ANKS1A: variants seen among roughly 807,000 people sequenced by gnomAD.
The protein encoded by ANKS1A is ankyrin repeat and sterile alpha motif domain containing 1A.
Under a neutral mutation model 120.3 loss-of-function variants are expected in ANKS1A, and 55 were observed. The observed-to-expected ratio is 0.46, with a 90% CI of 0.37 to 0.57. The LOEUF (loss-of-function observed/expected upper bound fraction) is 0.57, where lower values mean the gene tolerates loss of function less well. Ranked by LOEUF, ANKS1A falls within the 20% of genes least tolerant of loss-of-function variation. ANKS1A has a pLI of 0.00. For missense variants in ANKS1A, 1,123 were observed against 1,480.3 expected, an observed-to-expected ratio of 0.76 and a Z score of 3.96; for synonymous variants, 590 against 604.7, an observed-to-expected ratio of 0.98 and a Z score of 0.36.
At chr6:35,030,134 T>C (rs1774832265) in intron 11 of ANKS1A, among the ~76,000 whole-genome samples, 1 of 152,204 alleles carries the variant, frequency 6.6e-6, no homozygotes, top group Admixed American at 6.5e-5. Flanking sequence ...ATTTAGAATA[T>C]AGGTGAGCTA....
At chr6:34,974,615 T>C (rs1326761936) in intron 3 of ANKS1A, among the ~76,000 whole-genome samples, 1 of 152,138 alleles carries the variant, frequency 6.6e-6, no homozygotes, top group Non-Finnish European at 1.5e-5. Flanking sequence ...TAGGCTTTCA[T>C]GTCAGACCAG....
chr6:34,892,796 A>C (rs1766886629), intron 1 of ANKS1A, among the ~76,000 whole-genome samples: 1 of 152,168 alleles, frequency 6.6e-6, no homozygotes, highest in Admixed American at 6.5e-5. Flanking sequence ...TTCACAGTTG[A>C]TCGCTTTGGC....
At chr6:35,013,457 G>T (rs1162954862) in intron 10 of ANKS1A, among the ~76,000 whole-genome samples, 1 of 151,980 alleles carries the variant, frequency 6.6e-6, no homozygotes, top group African/African-American at 2.4e-5. Context: ...ACCACACCCA[G>T]CTAATTTTTA....
At chr6:34,901,216 CTGTT>C (rs1767335534) in intron 1 of ANKS1A, among the ~76,000 whole-genome samples, 2 of 151,360 alleles carry the variant, frequency 1.3e-5, no homozygotes, top group Non-Finnish European at 2.9e-5. Context: ...ATTTCCAACT[CTGTT>C]TTTTTTTTTT....
intron 1 of ANKS1A, among the ~76,000 whole-genome samples, chr6:34,937,809 T>C (rs1769334352): frequency 6.6e-6 from 1 of 152,214 alleles, no homozygotes; most frequent in African/African-American, 2.4e-5. Context: ...AATCAGACTC[T>C]GGCATTAGGA....
chr6:34,984,019 C>G (rs186812218), intron 7 of ANKS1A, among the ~76,000 whole-genome samples: 279 of 152,276 alleles, frequency 1.8e-3, no homozygotes, highest in African/African-American at 6.3e-3. Flanking sequence ...TGGCCTCGAA[C>G]TCCTGACCTT....
chr6:35,003,265 G>A (rs529011253), intron 10 of ANKS1A, among the ~76,000 whole-genome samples: 199 of 152,176 alleles, frequency 1.3e-3, no homozygotes, highest in Non-Finnish European at 2.0e-3. Context: ...ATGCTCAACC[G>A]AATCATACGG....
At chr6:35,001,473 G>A (rs1312961003) in intron 10 of ANKS1A, among the ~76,000 whole-genome samples, 3 of 152,204 alleles carry the variant, frequency 2.0e-5, no homozygotes, top group African/African-American at 7.2e-5. Context: ...GCTCTTTTCC[G>A]GGATTCTACA....
intron 1 of ANKS1A, among the ~76,000 whole-genome samples, chr6:34,936,061 CAAAAAAAAAAAA>C (rs34851777): frequency 5.5e-5 from 2 of 36,316 alleles, no homozygotes; most frequent in Non-Finnish European, 1.2e-4. Context: ...GACTCCGTCT[CAAAAAAAAAAAA>C]AAAAAAAAAA....
chr6:34,897,175 T>C (rs1363558148), intron 1 of ANKS1A, among the ~76,000 whole-genome samples: 3 of 152,114 alleles, frequency 2.0e-5, no homozygotes, highest in Non-Finnish European at 4.4e-5. Flanking sequence ...GAAGTTCAGT[T>C]TTTACTTTCT....
chr6:35,081,252 G>A lies in ANKS1A; in HGVS notation c.2709+94G>A, dbSNP rs117540941. On this transcript the variant is annotated intron_variant, in intron 17 of 23. Transcript: ENST00000360359. ...GAACCACCTGCTGCCCCATACTTGAGCACAGTTGGGCTGGCACCAGAGTCA... is the reference window on the plus strand; with the variant it reads ...GAACCACCTGCTGCCCCATACTTGAACACAGTTGGGCTGGCACCAGAGTCA... The A allele has an allele frequency of 7.8e-4, 1,102 of 1,421,188 alleles. 24 individuals are homozygous for A. In the East Asian group the frequency reaches 0.024, roughly 31 times the overall value. The allele number at this position is 1,421,188 out of a possible 1,614,324, so 88.0% of individuals were successfully genotyped here.
At chr6:35,079,402 A>C in intron 14 of ANKS1A, 114 bp from the exon 15 acceptor site, 1 of 1,395,108 alleles carries the variant, frequency 7.2e-7, no homozygotes, top group Non-Finnish European at 9.7e-7. Flanking sequence ...TGAGGACCCC[A>C]AACACAGAGG....
chr6:35,022,188 T>C (rs1193159596), intron 11 of ANKS1A, among the ~76,000 whole-genome samples: 2 of 152,218 alleles, frequency 1.3e-5, no homozygotes, highest in African/African-American at 4.8e-5. Context: ...TTTGAGAAAT[T>C]AATGAGCTTT....
intron 19 of ANKS1A, 82 bp from the exon 20 acceptor site, chr6:35,083,335 G>A: frequency 6.3e-7 from 1 of 1,596,064 alleles, no homozygotes; most frequent in East Asian, 2.2e-5. Context: ...GTAAGGATGG[G>A]AAGGAAGCTG....
At chr6:34,962,569 C>T (rs1311618300) in intron 1 of ANKS1A, among the ~76,000 whole-genome samples, 1 of 152,032 alleles carries the variant, frequency 6.6e-6, no homozygotes, top group East Asian at 1.9e-4. Context: ...AGGCAAATCA[C>T]CAGGTCAGGA....
intron 1 of ANKS1A, among the ~76,000 whole-genome samples, chr6:34,916,057 A>G (rs1304643751): frequency 2.1e-5 from 3 of 145,512 alleles, no homozygotes; most frequent in Non-Finnish European, 4.5e-5. Flanking sequence ...CAGTGGTGCA[A>G]TCTCGGCTCA....
chr6:34,987,643 G>T (rs2127532130), intron 8 of ANKS1A, among the ~76,000 whole-genome samples: 1 of 152,302 alleles, frequency 6.6e-6, no homozygotes, highest in Non-Finnish European at 1.5e-5. Context: ...CATCCATCTG[G>T]TTCCAGGGTC....
intron 1 of ANKS1A, among the ~76,000 whole-genome samples, chr6:34,935,824 A>T (rs1769219970): frequency 1.3e-5 from 2 of 152,100 alleles, no homozygotes; most frequent in South Asian, 4.2e-4. Context: ...GCACTTTGGG[A>T]GGCCGAGGCG....
intron 12 of ANKS1A, among the ~76,000 whole-genome samples, chr6:35,059,898 C>T (rs1227238975): frequency 1.7e-4 from 26 of 152,160 alleles, no homozygotes; most frequent in Admixed American, 1.7e-3. Flanking sequence ...CAGCTCAGAC[C>T]TGGGGGTGTG....
Sources: gnomAD v4.1 joint callset for allele counts (sites outside exome capture counted in the v4.1 genomes callset) on GRCh38, gnomAD v4.1.1 for gene constraint, MANE v1.5 for transcripts, NCBI Gene and HGNC (gene_info 2026-07-23, HGNC 2026-07-21) for gene names.